The following OSBPL5 variants were observed in gnomAD, a reference collection of about 807,000 sequenced individuals.
OSBPL5 encodes the protein oxysterol binding protein like 5, also known as oxysterol-binding protein-related protein 5.
A neutral mutation model predicts 111.2 loss-of-function variants in OSBPL5; 71 were observed. The observed-to-expected ratio is 0.64, with a 90% CI of 0.53 to 0.78. OSBPL5 has a LOEUF of 0.78. Ranked by LOEUF, OSBPL5 falls within the 30% of genes least tolerant of loss-of-function variation. OSBPL5 has a pLI of 0.00. For synonymous variants in OSBPL5, 549 were observed against 513.9 expected (o/e 1.07, Z -0.93); for missense variants, 1,210 against 1,189.3 (o/e 1.02, Z -0.26).
intron 1 of OSBPL5, among the ~76,000 whole-genome samples, chr11:3,143,650 G>A (rs965005219): frequency 2.0e-5 from 3 of 152,234 alleles, no homozygotes; most frequent in Non-Finnish European, 2.9e-5. Flanking sequence ...TGTCCAGGAC[G>A]GGCAGGTCTG....
chr11:3,163,070 C>A (rs1299039756), intron 1 of OSBPL5, among the ~76,000 whole-genome samples: 1 of 152,200 alleles, frequency 6.6e-6, no homozygotes, highest in African/African-American at 2.4e-5. Context: ...TGGCACTGTG[C>A]AACCCTGGGC....
At chr11:3,159,865 A>G (rs935728162) in intron 1 of OSBPL5, among the ~76,000 whole-genome samples, 7 of 152,164 alleles carry the variant, frequency 4.6e-5, no homozygotes, top group Non-Finnish European at 1.0e-4. Flanking sequence ...AGGGCCAGCC[A>G]TGAGCCTCAC....
intron 1 of OSBPL5, among the ~76,000 whole-genome samples, chr11:3,135,296 C>T (rs1845919915): frequency 1.3e-5 from 2 of 152,216 alleles, no homozygotes; most frequent in South Asian, 2.1e-4. Context: ...CCCAGTTGGG[C>T]GGGGCACACA....
intron 12 of OSBPL5, 32 bp downstream of exon 12, chr11:3,102,151 A>T: frequency 6.4e-7 from 1 of 1,560,030 alleles, no homozygotes; most frequent in South Asian, 1.2e-5. Flanking sequence ...AGAGCCCAGC[A>T]CCCAGGCCGG....
At chr11:3,093,456 C>A in intron 17 of OSBPL5, 71 bp downstream of exon 17, 1 of 1,576,522 alleles carries the variant, frequency 6.3e-7, no homozygotes. Flanking sequence ...AGCACTGTAG[C>A]CCTGCTGACC....
chr11:3,125,548 G>A (rs1219651490), intron 3 of OSBPL5, among the ~76,000 whole-genome samples: 1 of 152,240 alleles, frequency 6.6e-6, no homozygotes, highest in Admixed American at 6.5e-5. Context: ...AATCACGCCT[G>A]TAATCCCAGC....
At chr11:3,122,458 G>A (rs777802533) in intron 3 of OSBPL5, 30 bp from the exon 4 acceptor site, 3 of 1,605,554 alleles carry the variant, frequency 1.9e-6, no homozygotes, top group Non-Finnish European at 2.6e-6. Flanking sequence ...ATGCGGGACA[G>A]GGCACAGGGG....
intron 19 of OSBPL5, 105 bp from the exon 20 acceptor site, chr11:3,090,801 G>A: frequency 7.1e-7 from 1 of 1,417,944 alleles, no homozygotes; most frequent in Non-Finnish European, 9.4e-7. Flanking sequence ...AGAGGTGGCA[G>A]CCAGCAGGGA....
Position 3,089,870 on chromosome 11 carries a change from C to G in OSBPL5, c.2477G>C (p.Arg826Pro). ...QALHEAILSI[R>P]EAQQELHRHL... Reference sequence around the variant, plus strand: ...CCTGTGCAGCTCCTGCTGGGCCTCTCGGATGGAGAGGATGGCCTCGTGCAG... The same window carrying G: ...CCTGTGCAGCTCCTGCTGGGCCTCTGGGATGGAGAGGATGGCCTCGTGCAG... The change falls in exon 21 of 22, where the codon CGA becomes CCA. Residue 826 changes from arginine to proline, a missense_variant. Arg to Pro is a moderately radical substitution (Grantham distance 103). Coordinates refer to ENST00000263650, the MANE Select transcript of OSBPL5 (RefSeq NM_020896.4). 2 of 1,564,192 alleles carry G rather than the reference C, an allele frequency of 1.3e-6. No individual in the cohort carries two copies. Among genetic ancestry groups the G allele is most frequent in the South Asian group, 2.4e-5 (2 of 84,992 alleles).
rs1025152696 is a variant in OSBPL5 at position 3,107,824 on chromosome 11, C to T, written c.813G>A (p.Ser271=). The change falls in exon 8 of 22, where the codon TCG becomes TCA. Residue 271 remains serine (S), a synonymous_variant. Coordinates refer to ENST00000263650, the MANE Select transcript of OSBPL5 (RefSeq NM_020896.4). The surrounding 1 kb of genome is among the most constrained non-coding windows in gnomAD (Gnocchi z 6.1). ...PGTSPDASPS[S]LCGLPASATV... The stretch of plus-strand genomic sequence containing the variant: ...TGGCTGAGGCTGGCAGCCCACAGAG[C>T]GATGAGGGTGATGCGTCTGGCGAGG... 18 of 1,612,258 alleles carry T rather than the reference C, an allele frequency of 1.1e-5. No individual in the cohort carries two copies. Among genetic ancestry groups the T allele is most frequent in the Middle Eastern group, 1.6e-4 (1 of 6,084 alleles).
At chr11:3,129,210 C>T (rs763702088) in intron 1 of OSBPL5, 41 bp from the exon 2 acceptor site, 4 of 1,355,668 alleles carry the variant, frequency 3.0e-6, no homozygotes, top group Non-Finnish European at 3.8e-6. Flanking sequence ...GTCACCGCCC[C>T]GGAAGGGGCT....
intron 1 of OSBPL5, among the ~76,000 whole-genome samples, chr11:3,155,350 C>T (rs1846720823): frequency 6.6e-6 from 1 of 152,238 alleles, no homozygotes; most frequent in Non-Finnish European, 1.5e-5. Context: ...GACTTCGGCT[C>T]AAATCTGCCT....
At position 3,120,550 on chromosome 11, in the gene OSBPL5, C is replaced by T. The variant is rs549324923; in HGVS notation, c.477G>A (p.Thr159=). The change falls in exon 6 of 22, where the codon ACG becomes ACA. Residue 159 remains threonine (T), a synonymous_variant. Coordinates refer to ENST00000263650, the MANE Select transcript of OSBPL5 (RefSeq NM_020896.4). Reference sequence around the variant, plus strand: ...TGCCCACCCACTGGCCCACCTTGGGCGTCTTGTAGATGAGCAGCACCCCCG... The same window carrying T: ...TGCCCACCCACTGGCCCACCTTGGGTGTCTTGTAGATGAGCAGCACCCCCG... ...LKPGVLLIYK[T]PKVGQWVGTV... is the part of the protein sequence containing the mutation. 207 of 1,613,308 alleles carry T rather than the reference C, an allele frequency of 1.3e-4. No individual in the cohort carries two copies. The highest frequency in any genetic ancestry group is 1.6e-4 in the Non-Finnish European group (193 of 1,180,024).
At chr11:3,103,152 G>A in intron 11 of OSBPL5, 87 bp downstream of exon 11, 2 of 1,207,712 alleles carry the variant, frequency 1.7e-6, no homozygotes, top group Non-Finnish European at 2.3e-6. Context: ...GGGTGGCCCG[G>A]GGACTCAGGG....
chr11:3,111,915 TGGTTAA>T (rs1857954645), intron 7 of OSBPL5, among the ~76,000 whole-genome samples: 1 of 151,918 alleles, frequency 6.6e-6, no homozygotes, highest in South Asian at 2.1e-4. Context: ...AGAAGCTCAA[TGGTTAA>T]AAGTCAGTTT....
Position 3,154,053 on chromosome 11 carries a change from C to G in OSBPL5, c.-22+11163G>C, listed in dbSNP as rs977999532. ...GCAGCCCCCAAGGAAGGTCTGTGCC[C>G]GGGAAACACATGGCATTCAAACCGC... On this transcript the variant is annotated intron_variant, in intron 1 of 21. Transcript: ENST00000263650. The surrounding 1 kb of genome is among the most constrained non-coding windows in gnomAD (Gnocchi z 4.9). Among the ~76,000 whole-genome samples, 24 of 152,190 alleles carry G rather than the reference C, an allele frequency of 1.6e-4. No individual in the cohort carries two copies. Among genetic ancestry groups the G allele is most frequent in the Admixed American group, 1.5e-3 (23 of 15,286 alleles).
At position 3,107,010 on chromosome 11, in the gene OSBPL5, C is replaced by T. The variant is rs1457928614; in HGVS notation, c.1059+253G>A. On this transcript the variant is annotated intron_variant, in intron 9 of 21. Transcript: ENST00000263650. The surrounding 1 kb of genome is among the most constrained non-coding windows in gnomAD (Gnocchi z 6.1). ...GCCCAAGGAGGGAGTTGCCTGTCTG[C>T]AGCAAACCCCTGCCCGATCCCCGCA... Among the ~76,000 whole-genome samples, 2 of 152,172 alleles carry T rather than the reference C, an allele frequency of 1.3e-5. No individual in the cohort carries two copies. The highest frequency in any genetic ancestry group is 4.8e-5 in the African/African-American group (2 of 41,428).
In OSBPL5 at chr11:3,089,836, T is replaced by A. The variant is rs1424712487; in HGVS notation, c.2501+10A>T. ...CCGGAGTCTGGATGGACACCCTGAGTGTGGCCCACCTGTGCAGCTCCTGCT... is the reference window on the plus strand; with the variant it reads ...CCGGAGTCTGGATGGACACCCTGAGAGTGGCCCACCTGTGCAGCTCCTGCT... On this transcript the variant is annotated intron_variant, in intron 21 of 21. Coordinates refer to ENST00000263650, the MANE Select transcript of OSBPL5 (RefSeq NM_020896.4). 2.6e-6 allele frequency: 4 copies of A among 1,553,988 alleles called. No homozygotes were observed. The highest frequency in any genetic ancestry group is 3.5e-6 in the Non-Finnish European group (4 of 1,148,776).
chr11:3,101,460 C>T, intron 13 of OSBPL5, 143 bp downstream of exon 13: 1 of 773,618 alleles, frequency 1.3e-6, no homozygotes, highest in Non-Finnish European at 2.0e-6. Flanking sequence ...CAGCACCTGA[C>T]CACCACATGG....
Sources: allele counts gnomAD v4.1 joint callset (sites outside exome capture counted in the v4.1 genomes callset), GRCh38; gene constraint gnomAD v4.1.1; non-coding constraint Gnocchi (gnomAD v3.1); transcripts MANE v1.5; gene names NCBI Gene and HGNC (gene_info 2026-07-23, HGNC 2026-07-21).